Variants in GPC6 observed in about 807,000 individuals in gnomAD.
GPC6 encodes the protein glypican-6.
GPC6 carries 14 observed loss-of-function variants against 55.2 expected under a neutral mutation model. The ratio of observed to expected loss-of-function variants is 0.25; its 90% CI spans 0.17 to 0.40. GPC6 has a LOEUF of 0.40. GPC6 is among the 10% of genes least tolerant of loss of function. The pLI is 1.00. For synonymous variants in GPC6, 278 were observed against 259.6 expected (o/e 1.07, Z -0.68); for missense variants, 641 against 708.5 (o/e 0.90, Z 1.08).
chr13:93,429,907 C>A (rs1452831835), intron 1 of GPC6, among the ~76,000 whole-genome samples: 1 of 152,052 alleles, frequency 6.6e-6, no homozygotes, highest in Admixed American at 6.6e-5. Flanking sequence ...GAAACAGTTG[C>A]CTGAGAGTCC....
chr13:93,706,405 A>G (rs1882850560), intron 2 of GPC6, among the ~76,000 whole-genome samples: 1 of 151,926 alleles, frequency 6.6e-6, no homozygotes, highest in Non-Finnish European at 1.5e-5. Flanking sequence ...TACAATTTGT[A>G]TACTACCTGT....
chr13:93,297,823 A>G (rs2139089460), intron 1 of GPC6, among the ~76,000 whole-genome samples: 1 of 152,260 alleles, frequency 6.6e-6, no homozygotes, highest in East Asian at 1.9e-4. Context: ...GTTGTGACTC[A>G]CATGAGTTTG....
At chr13:93,629,050 A>C (rs1177906389) in intron 2 of GPC6, among the ~76,000 whole-genome samples, 1 of 92,692 alleles carries the variant, frequency 1.1e-5, no homozygotes, top group African/African-American at 3.5e-5. Flanking sequence ...AAAAAAAAAC[A>C]AAAAAAACTG....
intron 1 of GPC6, among the ~76,000 whole-genome samples, chr13:93,265,486 C>T (rs796410161): frequency 2.0e-5 from 3 of 152,084 alleles, no homozygotes; most frequent in Non-Finnish European, 2.9e-5. Flanking sequence ...TATTAAAAGT[C>T]GTATTTAAAA....
intron 1 of GPC6, among the ~76,000 whole-genome samples, chr13:93,307,991 CAT>C (rs1878928157): frequency 6.6e-6 from 1 of 152,050 alleles, no homozygotes; most frequent in Non-Finnish European, 1.5e-5. Flanking sequence ...GGTGGCCGGG[CAT>C]GGTGGCTCAG....
At chr13:94,264,525 TTAGATGTTGTTCTGGTCAC>T (rs1891738635) in intron 4 of GPC6, among the ~76,000 whole-genome samples, 1 of 152,208 alleles carries the variant, frequency 6.6e-6, no homozygotes, top group African/African-American at 2.4e-5. Context: ...TTGCTATGCA[TTAGATGTTGTTCTGGTCAC>T]TAGACGGTAA....
chr13:93,255,103 C>A (rs1354646312), intron 1 of GPC6, among the ~76,000 whole-genome samples: 1 of 152,204 alleles, frequency 6.6e-6, no homozygotes, highest in African/African-American at 2.4e-5. Flanking sequence ...AAGCAGCAGA[C>A]ACCTGTCCTT....
At chr13:94,257,604 T>C (rs1191921434) in intron 4 of GPC6, among the ~76,000 whole-genome samples, 2 of 151,984 alleles carry the variant, frequency 1.3e-5, no homozygotes, top group African/African-American at 2.4e-5. Flanking sequence ...CCCTGAGAAA[T>C]AGACCAAAGC....
chr13:93,288,724 G>A (rs1020231166), intron 1 of GPC6, among the ~76,000 whole-genome samples: 2 of 152,166 alleles, frequency 1.3e-5, no homozygotes, highest in African/African-American at 4.8e-5. Flanking sequence ...TAATTAATAT[G>A]TATTCAAAAA....
In GPC6 at chr13:94,255,207, G is replaced by A. The variant is rs1031572900; in HGVS notation, c.878-31142G>A. Among the ~76,000 whole-genome samples, 8 of 152,144 alleles carry A rather than the reference G, an allele frequency of 5.3e-5. No individual in the cohort carries two copies. The South Asian group carries it at 8.3e-4, about 16-fold the overall frequency. On this transcript the variant is annotated intron_variant, in intron 4 of 8. Transcript: ENST00000377047. ...CTAAGACTGGCTAGGCGTTTACAAC[G>A]CAGTGGAGGAAAGGACTTATAATCA... is the stretch of plus-strand genomic sequence containing the variant.
At chr13:94,099,354 T>A (rs1885773216) in intron 4 of GPC6, among the ~76,000 whole-genome samples, 1 of 152,120 alleles carries the variant, frequency 6.6e-6, no homozygotes, top group Admixed American at 6.6e-5. Context: ...TTGATATTTA[T>A]CAAAAATAAC....
At chr13:93,428,278 A>G (rs891314392) in intron 1 of GPC6, among the ~76,000 whole-genome samples, 37 of 152,188 alleles carry the variant, frequency 2.4e-4, no homozygotes, top group African/African-American at 8.7e-4. Context: ...GTGTAAGGTA[A>G]CATTATGGAG....
At chr13:93,923,255 C>T (rs982485505) in intron 3 of GPC6, among the ~76,000 whole-genome samples, 2 of 152,072 alleles carry the variant, frequency 1.3e-5, no homozygotes, top group African/African-American at 2.4e-5. Flanking sequence ...TAATACTCTC[C>T]TAAGGGGTAG....
chr13:94,065,237 C>G (rs914926883), intron 4 of GPC6, among the ~76,000 whole-genome samples: 3 of 152,080 alleles, frequency 2.0e-5, no homozygotes, highest in African/African-American at 7.2e-5. Flanking sequence ...TAATCATCAG[C>G]CAACTTTTAC....
At chr13:94,228,632 G>A (rs967063594) in intron 4 of GPC6, among the ~76,000 whole-genome samples, 2 of 151,948 alleles carry the variant, frequency 1.3e-5, no homozygotes, top group Admixed American at 1.3e-4. Context: ...TTATCCCAGA[G>A]TAAAACATCC....
intron 3 of GPC6, among the ~76,000 whole-genome samples, chr13:93,982,532 C>T (rs535067591): frequency 5.4e-4 from 83 of 152,300 alleles, no homozygotes; most frequent in Middle Eastern, 3.4e-3. Flanking sequence ...CCACATCTAT[C>T]CTTACACTAC....
chr13:93,920,675 C>T (rs369901266), intron 3 of GPC6, among the ~76,000 whole-genome samples: 28 of 152,292 alleles, frequency 1.8e-4, no homozygotes, highest in African/African-American at 6.7e-4. Context: ...CACAGTCTCA[C>T]TTACTAATCC....
chr13:93,486,932 A>C (rs2139349087), intron 1 of GPC6, among the ~76,000 whole-genome samples: 1 of 143,850 alleles, frequency 7.0e-6, no homozygotes, highest in African/African-American at 2.6e-5. Context: ...CGACAGAGCG[A>C]GACTCCATCT....
intron 2 of GPC6, among the ~76,000 whole-genome samples, chr13:93,633,577 C>T (rs1879564894): frequency 6.6e-6 from 1 of 151,532 alleles, no homozygotes. Flanking sequence ...CGGAGGTTGC[C>T]ATGAGCCGAG....
Sources: gnomAD v4.1 joint callset for allele counts (sites outside exome capture counted in the v4.1 genomes callset) on GRCh38, gnomAD v4.1.1 for gene constraint, MANE v1.5 for transcripts, NCBI Gene and HGNC (gene_info 2026-07-23, HGNC 2026-07-21) for gene names.